Variants in SPAST observed in about 807,000 individuals in gnomAD.
SPAST encodes spastin.
Under a neutral mutation model 76.6 loss-of-function variants are expected in SPAST, and 30 were observed. That is an observed-to-expected ratio of 0.39 (90% CI 0.29 to 0.53). SPAST has a LOEUF of 0.53. Ranked by LOEUF, SPAST falls within the 20% of genes least tolerant of loss-of-function variation. The probability of loss-of-function intolerance (pLI) is 0.68; values close to 1 mark genes in which losing one functional copy is unlikely to be tolerated. For synonymous variants in SPAST, 305 were observed against 281.0 expected (o/e 1.09, Z -0.86); for missense variants, 717 against 770.5 (o/e 0.93, Z 0.82).
chr2:32,070,316 C>A (rs1676696861), intron 1 of SPAST, among the ~76,000 whole-genome samples: 1 of 152,074 alleles, frequency 6.6e-6, no homozygotes, highest in African/African-American at 2.4e-5. Context: ...GATCCGCCTG[C>A]CTCAGCCTCC....
At chr2:32,073,015 C>T (rs1001259274) in intron 1 of SPAST, among the ~76,000 whole-genome samples, 1 of 152,148 alleles carries the variant, frequency 6.6e-6, no homozygotes, top group Non-Finnish European at 1.5e-5. Flanking sequence ...TTACTGGCAT[C>T]TGCACCAAAG....
chr2:32,127,070 A>G, intron 8 of SPAST, 48 bp downstream of exon 8: 9 of 1,285,330 alleles, frequency 7.0e-6, no homozygotes, highest in South Asian at 1.2e-5. Context: ...TATTTGGGAT[A>G]ATATGAAAAA....
chr2:32,119,503 A>G (rs1475051523), intron 7 of SPAST, among the ~76,000 whole-genome samples: 1 of 152,212 alleles, frequency 6.6e-6, no homozygotes, highest in African/African-American at 2.4e-5. Context: ...ATAATACTAA[A>G]GATACTCACT....
intron 1 of SPAST, 46 bp downstream of exon 1, chr2:32,064,292 CGGTGGGGT>C: frequency 3.5e-6 from 1 of 284,178 alleles, no homozygotes; most frequent in Non-Finnish European, 6.3e-6. Context: ...GGGAAGAAGG[CGGTGGGGT>C]CGCCGGGGGA....
chr2:32,117,591 G>A (rs1360598200), intron 7 of SPAST, among the ~76,000 whole-genome samples: 1 of 149,968 alleles, frequency 6.7e-6, no homozygotes, highest in East Asian at 2.0e-4. Flanking sequence ...GAGTGCAGTG[G>A]CTTGATGTTG....
At chr2:32,077,116 C>A (rs1241059786) in intron 1 of SPAST, among the ~76,000 whole-genome samples, 1 of 152,034 alleles carries the variant, frequency 6.6e-6, no homozygotes, top group African/African-American at 2.4e-5. Flanking sequence ...CCTCATGATC[C>A]ACACACCTTG....
intron 1 of SPAST, among the ~76,000 whole-genome samples, chr2:32,084,206 C>T (rs1437460067): frequency 6.6e-6 from 1 of 151,914 alleles, no homozygotes; most frequent in African/African-American, 2.4e-5. Context: ...GAGTCTTGCT[C>T]TGTCACCCAG....
intron 9 of SPAST, among the ~76,000 whole-genome samples, chr2:32,132,231 A>G (rs1389417814): frequency 6.6e-6 from 1 of 152,054 alleles, no homozygotes; most frequent in East Asian, 1.9e-4. Context: ...CTCTACCAGA[A>G]ATACAAAAAA....
chr2:32,069,291 GAAT>G (rs1434875188), intron 1 of SPAST, among the ~76,000 whole-genome samples: 1 of 151,674 alleles, frequency 6.6e-6, no homozygotes, highest in Non-Finnish European at 1.5e-5. Context: ...TTAGGAGATT[GAAT>G]ATTTTTGTAC....
At chr2:32,134,732 T>G (rs1679479946) in intron 9 of SPAST, among the ~76,000 whole-genome samples, 1 of 152,108 alleles carries the variant, frequency 6.6e-6, no homozygotes, top group African/African-American at 2.4e-5. Context: ...TCTCACTTTT[T>G]CGCCCCAGGC....
At position 32,128,200 on chromosome 2, in the gene SPAST, G is replaced by A. The variant is rs140628991; in HGVS notation, c.1174-208G>A. 2.3e-3 allele frequency: 1,163 copies of A among 504,170 alleles called. 13 individuals carry two copies. Among genetic ancestry groups the A allele is most frequent in the African/African-American group, 0.02 (1,045 of 51,472 alleles). The allele number at this position is 504,170 out of a possible 1,614,324, so 31.2% of individuals were successfully genotyped here. A position where few individuals can be genotyped will look rare whatever the true frequency, so the allele number is the denominator to read the frequency against. ...ATTAGAGATGGGATTTCACCATGTTGGCCAGGCTGGTCTCAAACTCTTGGC... is the reference window on the plus strand; with the variant it reads ...ATTAGAGATGGGATTTCACCATGTTAGCCAGGCTGGTCTCAAACTCTTGGC... On this transcript the variant is annotated intron_variant, in intron 8 of 16. Transcript: ENST00000315285.
intron 4 of SPAST, among the ~76,000 whole-genome samples, chr2:32,100,595 T>A (rs1396687940): frequency 6.6e-6 from 1 of 152,158 alleles, no homozygotes; most frequent in Non-Finnish European, 1.5e-5. Context: ...TATCTCCTAA[T>A]GCTACCCCTC....
intron 4 of SPAST, among the ~76,000 whole-genome samples, chr2:32,102,152 G>C (rs980348089): frequency 2.2e-4 from 33 of 152,048 alleles, no homozygotes; most frequent in African/African-American, 7.0e-4. Flanking sequence ...TTATTTCATT[G>C]AGCAGTGGTT....
chr2:32,095,734 G>T (rs991106856), intron 3 of SPAST, among the ~76,000 whole-genome samples: 7 of 152,042 alleles, frequency 4.6e-5, no homozygotes, highest in African/African-American at 9.7e-5. Flanking sequence ...GTGAGACCCT[G>T]TCTCAAAGAA....
chr2:32,149,961 G>A (rs1680019866), intron 16 of SPAST, among the ~76,000 whole-genome samples: 1 of 149,854 alleles, frequency 6.7e-6, no homozygotes, highest in Non-Finnish European at 1.5e-5. Context: ...GTGTATTCAA[G>A]TACATTTTGG....
chr2:32,078,173 G>A (rs920669676), intron 1 of SPAST, among the ~76,000 whole-genome samples: 9 of 151,952 alleles, frequency 5.9e-5, no homozygotes, highest in Admixed American at 3.3e-4. Flanking sequence ...TGTATTTTTA[G>A]TAGAGACGGG....
Position 32,128,730 on chromosome 2 carries a change from T to G in SPAST, c.1245+251T>G. The G allele has an allele frequency of 8.3e-6, 4 of 479,452 alleles. No homozygotes were observed. The South Asian group carries it at 8.5e-5, about 10-fold the overall frequency. 29.7% of individuals were successfully genotyped at this position (479,452 alleles called of 1,614,324 possible). A position where few individuals can be genotyped will look rare whatever the true frequency, so the allele number is the denominator to read the frequency against. ...CTGGCTGGCTTAAACATCAGCAATTTATTGTCTCACAGTTGTGGAAGGTAG... is the reference window on the plus strand; with the variant it reads ...CTGGCTGGCTTAAACATCAGCAATTGATTGTCTCACAGTTGTGGAAGGTAG... On this transcript the variant is annotated intron_variant, in intron 9 of 16. Transcript: ENST00000315285.
At chr2:32,088,431 G>T (rs1469401577) in intron 2 of SPAST, among the ~76,000 whole-genome samples, 1 of 152,148 alleles carries the variant, frequency 6.6e-6, no homozygotes, top group African/African-American at 2.4e-5. Flanking sequence ...AATCACCTGG[G>T]ATCAGGAGTT....
chr2:32,104,782 C>G (rs1678256076), intron 4 of SPAST, among the ~76,000 whole-genome samples: 1 of 152,210 alleles, frequency 6.6e-6, no homozygotes, highest in South Asian at 2.1e-4. Context: ...TATTGGCCCC[C>G]ACTCTCTTCT....
Sources: allele counts gnomAD v4.1 joint callset (sites outside exome capture counted in the v4.1 genomes callset), GRCh38; gene constraint gnomAD v4.1.1; transcripts MANE v1.5; gene names NCBI Gene and HGNC (gene_info 2026-07-23, HGNC 2026-07-21).